The following PPFIBP1 variants were observed in gnomAD, a reference collection of about 807,000 sequenced individuals.
PPFIBP1 encodes liprin-beta-1.
PPFIBP1 carries 112 observed loss-of-function variants against 137.8 expected under a neutral mutation model. That is an observed-to-expected ratio of 0.81 (90% CI 0.70 to 0.95). The LOEUF is 0.95. Ranked by LOEUF, PPFIBP1 falls within the 40% of genes least tolerant of loss-of-function variation. The probability of loss-of-function intolerance (pLI) is 0.00; values close to 1 mark genes in which losing one functional copy is unlikely to be tolerated. For synonymous variants in PPFIBP1, 378 were observed against 417.3 expected (o/e 0.91, Z 1.15); for missense variants, 1,083 against 1,196.6 (o/e 0.91, Z 1.40).
intron 2 of PPFIBP1, among the ~76,000 whole-genome samples, chr12:27,578,681 C>G (rs535449766): frequency 2.1e-4 from 32 of 152,314 alleles, no homozygotes; most frequent in Non-Finnish European, 4.0e-4. Context: ...CATATTTACC[C>G]ACTTTCTCCC....
chr12:27,576,072 T>C (rs2050533442), intron 1 of PPFIBP1, among the ~76,000 whole-genome samples: 1 of 152,210 alleles, frequency 6.6e-6, no homozygotes, highest in Non-Finnish European at 1.5e-5. Flanking sequence ...CAGTGCCTGT[T>C]AGTTAATGTG....
At chr12:27,562,375 T>G (rs1056634574) in intron 1 of PPFIBP1, among the ~76,000 whole-genome samples, 2 of 152,244 alleles carry the variant, frequency 1.3e-5, no homozygotes, top group Non-Finnish European at 1.5e-5. Flanking sequence ...TGCTTTGCAT[T>G]ATATCAGGAC....
chr12:27,606,151 A>G (rs1376847915), intron 2 of PPFIBP1, among the ~76,000 whole-genome samples: 1 of 152,234 alleles, frequency 6.6e-6, no homozygotes. Context: ...AATTGCTTTG[A>G]CAAAGACAGT....
At chr12:27,571,177 G>A (rs2050112427) in intron 1 of PPFIBP1, among the ~76,000 whole-genome samples, 1 of 152,108 alleles carries the variant, frequency 6.6e-6, no homozygotes, top group Admixed American at 6.5e-5. Flanking sequence ...CTGTAACCTG[G>A]TTCTGCTTAA....
Position 27,679,974 on chromosome 12 carries a change from T to C in PPFIBP1, c.1808T>C (p.Met603Thr), listed in dbSNP as rs553686746. The C allele has an allele frequency of 3.4e-5, 55 of 1,614,120 alleles. No individual in the cohort carries two copies. The highest frequency in any genetic ancestry group is 1.0e-4 in the Admixed American group (6 of 60,008). ...SQSTTFNPDD[M>T]SEPEFKRGGT... ...TCAACTACATTCAACCCAGATGACA[T>C]GTCTGAGCCTGAATTCAAAAGAGGA... is the stretch of plus-strand genomic sequence containing the variant. Residue 603 changes from methionine to threonine, a missense_variant, in exon 21 of 30, where the codon ATG becomes ACG. Coordinates refer to ENST00000228425, the MANE Select transcript of PPFIBP1 (RefSeq NM_003622.4).
chr12:27,561,677 C>T (rs2049174297), intron 1 of PPFIBP1, among the ~76,000 whole-genome samples: 1 of 152,090 alleles, frequency 6.6e-6, no homozygotes, highest in African/African-American at 2.4e-5. Flanking sequence ...TCAGTTTGCT[C>T]CAGCCACAGC....
Position 27,559,029 on chromosome 12 carries a change from T to C in PPFIBP1, c.-123-19123T>C, listed in dbSNP as rs532379784. 6.6e-5 allele frequency among the ~76,000 whole-genome samples: 10 copies of C among 152,054 alleles called. No individual in the cohort carries two copies. In the South Asian group the frequency reaches 2.1e-3, roughly 32 times the overall value. On this transcript the variant is annotated intron_variant, in intron 1 of 29. Transcript: ENST00000228425. The stretch of plus-strand genomic sequence containing the variant: ...CATGTGCCACCACACCTGACTAAGT[T>C]TTTTATTTTTTATTTTTGTAGAAAT...
At position 27,646,080 on chromosome 12, in the gene PPFIBP1, G is replaced by A. The variant is rs764513546; in HGVS notation, c.289G>A (p.Gly97Arg). ...QSQMTNGHLP[G>R]NGDVYQERLA... ...TTTTCAGACAAATGGACACCTACCAGGGAACGGAGATGTGTATCAAGAAAG... is the reference window on the plus strand; with the variant it reads ...TTTTCAGACAAATGGACACCTACCAAGGAACGGAGATGTGTATCAAGAAAG... The change falls in exon 5 of 30, where the codon GGG becomes AGG. Residue 97 changes from glycine (G) to arginine (R), a missense_variant. Transcript: ENST00000228425. 1.9e-6 allele frequency: 3 copies of A among 1,609,614 alleles called. No individual in the cohort carries two copies. In the Admixed American group the frequency reaches 5.0e-5, roughly 27 times the overall value.
chr12:27,567,256 A>T (rs547343752), intron 1 of PPFIBP1, among the ~76,000 whole-genome samples: 1 of 152,334 alleles, frequency 6.6e-6, no homozygotes, highest in African/African-American at 2.4e-5. Flanking sequence ...TGAAGAAGGA[A>T]CCTGTAGATT....
chr12:27,583,306 G>C (rs1480585686), intron 2 of PPFIBP1, among the ~76,000 whole-genome samples: 2 of 152,196 alleles, frequency 1.3e-5, no homozygotes, highest in Non-Finnish European at 2.9e-5. Flanking sequence ...CTGGTTCTAA[G>C]CATGGAATTC....
chr12:27,614,985 A>G (rs1341769158), intron 2 of PPFIBP1, among the ~76,000 whole-genome samples: 1 of 152,212 alleles, frequency 6.6e-6, no homozygotes, highest in Non-Finnish European at 1.5e-5. Context: ...TCTGAGAAAC[A>G]CTTCTTGATT....
chr12:27,665,842 T>C (rs2059824344), intron 12 of PPFIBP1, among the ~76,000 whole-genome samples: 1 of 152,214 alleles, frequency 6.6e-6, no homozygotes, highest in Non-Finnish European at 1.5e-5. Context: ...TAATCGATTT[T>C]ATAAATATCT....
In PPFIBP1 at chr12:27,612,327, T is replaced by TG. The variant is rs200153344; in HGVS notation, c.-35-21034dup. The stretch of plus-strand genomic sequence containing the variant: ...GTATGCTCCATCTGTACTTTATTGG[T>TG]GTTTTTTTTTTTTTTTTTTTTTTTG... On this transcript the variant is annotated intron_variant, in intron 2 of 29. Coordinates refer to ENST00000228425, the MANE Select transcript of PPFIBP1 (RefSeq NM_003622.4). Among the ~76,000 whole-genome samples, 33 of 134,568 alleles carry TG rather than the reference T, an allele frequency of 2.5e-4. 2 individuals are homozygous for TG. The highest frequency in any genetic ancestry group is 2.2e-3 in the Admixed American group (28 of 12,922). The allele number at this position is 134,568 out of a possible 152,430, so 88.3% of individuals were successfully genotyped here. A position where few individuals can be genotyped will look rare whatever the true frequency, so the allele number is the denominator to read the frequency against.
chr12:27,541,858 G>A (rs1945711358), intron 1 of PPFIBP1, among the ~76,000 whole-genome samples: 1 of 152,042 alleles, frequency 6.6e-6, no homozygotes, highest in Non-Finnish European at 1.5e-5. Flanking sequence ...GGGCTGACCT[G>A]CTCTACTTCA....
chr12:27,592,411 C>A, intron 2 of PPFIBP1: 3 of 671,382 alleles, frequency 4.5e-6, no homozygotes, highest in East Asian at 2.8e-5. Context: ...CAGTGGAATC[C>A]TATCTTATGG....
chr12:27,630,054 T>C (rs1323478138), intron 2 of PPFIBP1, among the ~76,000 whole-genome samples: 1 of 152,172 alleles, frequency 6.6e-6, no homozygotes, highest in Non-Finnish European at 1.5e-5. Flanking sequence ...ATCAAGATGG[T>C]TGATAATATT....
chr12:27,571,400 C>T (rs11049050), intron 1 of PPFIBP1, among the ~76,000 whole-genome samples: 48,183 of 151,922 alleles, frequency 0.32, 8,020 homozygotes, highest in Middle Eastern at 0.46. Context: ...ATTTACCCAC[C>T]GAAAAAGCAT....
At chr12:27,592,782 G>A (rs1046616561) in intron 2 of PPFIBP1, 7 of 754,202 alleles carry the variant, frequency 9.3e-6, no homozygotes, top group African/African-American at 1.7e-5. Context: ...TTAGGTAGGC[G>A]TAACCATGAC....
At position 27,641,802 on chromosome 12, in the gene PPFIBP1, A is replaced by C. The variant is rs140200537; in HGVS notation, c.271-4260A>C. Among the ~76,000 whole-genome samples, 536 of 152,250 alleles carry C rather than the reference A, an allele frequency of 3.5e-3. 2 individuals carry two copies. The highest frequency in any genetic ancestry group is 0.01 in the Middle Eastern group (3 of 294). ...AAAGCAGGAGGTAAAGAAATAATCAAATCATCTATCACCTGAGAACACAGG... is the reference window on the plus strand; with the variant it reads ...AAAGCAGGAGGTAAAGAAATAATCACATCATCTATCACCTGAGAACACAGG... On this transcript the variant is annotated intron_variant, in intron 4 of 29. Coordinates refer to ENST00000228425, the MANE Select transcript of PPFIBP1 (RefSeq NM_003622.4).
Sources: allele counts gnomAD v4.1 joint callset (sites outside exome capture counted in the v4.1 genomes callset), GRCh38; gene constraint gnomAD v4.1.1; transcripts MANE v1.5; gene names NCBI Gene and HGNC (gene_info 2026-07-23, HGNC 2026-07-21).